The following ZER1 variants were observed in gnomAD, a reference collection of about 807,000 sequenced individuals.
ZER1 encodes the protein protein zer-1 homolog.
In ZER1, 11 loss-of-function variants were observed where a neutral mutation model predicts 78.8. The observed-to-expected ratio is 0.14, with a 90% CI of 0.09 to 0.23. The LOEUF (loss-of-function observed/expected upper bound fraction) is 0.23, where lower values mean the gene tolerates loss of function less well. Ranked by LOEUF, ZER1 falls within the 10% of genes least tolerant of loss-of-function variation. The pLI is 1.00. For missense variants in ZER1, 588 were observed against 996.9 expected (o/e 0.59, Z 5.52); for synonymous variants, 400 against 407.0 (o/e 0.98, Z 0.21).
At chr9:128,743,667 A>C (rs1863383004) in intron 8 of ZER1, among the ~76,000 whole-genome samples, 1 of 151,678 alleles carries the variant, frequency 6.6e-6, no homozygotes. Context: ...AGATCCTCCT[A>C]CCTCAGCCTC....
intron 8 of ZER1, among the ~76,000 whole-genome samples, chr9:128,747,531 T>C (rs538500985): frequency 9.2e-5 from 14 of 152,344 alleles, no homozygotes; most frequent in South Asian, 4.1e-4. Context: ...AGAGGTGAGA[T>C]TGTAAGTGGC....
At chr9:128,752,874 G>T in intron 4 of ZER1, 25 bp from the exon 5 acceptor site, 1 of 1,606,360 alleles carries the variant, frequency 6.2e-7, no homozygotes, top group Non-Finnish European at 8.5e-7. Context: ...AGGGGGTGCA[G>T]GTTAGGAGCT....
At chr9:128,765,531 T>C (rs1415822508) in intron 1 of ZER1, among the ~76,000 whole-genome samples, 1 of 152,004 alleles carries the variant, frequency 6.6e-6, no homozygotes, top group Non-Finnish European at 1.5e-5. Flanking sequence ...ATCCAAACAA[T>C]GGGAGGGAAA....
chr9:128,733,237 C>T (rs1285499853), intron 15 of ZER1, 189 bp downstream of exon 15: 1 of 520,900 alleles, frequency 1.9e-6, no homozygotes, highest in African/African-American at 1.9e-5. Flanking sequence ...CATCTAATTT[C>T]CAGCCACAAT....
chr9:128,745,317 G>C (rs1257459596), intron 8 of ZER1, among the ~76,000 whole-genome samples: 1 of 150,470 alleles, frequency 6.6e-6, no homozygotes, highest in Non-Finnish European at 1.5e-5. Flanking sequence ...CTCCTGAGTA[G>C]CTGGGACTAC....
At chr9:128,733,577 A>T (rs777152839) in intron 14 of ZER1, 49 bp from the exon 15 acceptor site, 1 of 1,550,480 alleles carries the variant, frequency 6.4e-7, no homozygotes. Flanking sequence ...TCTTCTTATC[A>T]GCCCGAGGCC....
At chr9:128,756,525 C>T (rs922469512) in intron 1 of ZER1, among the ~76,000 whole-genome samples, 1 of 152,096 alleles carries the variant, frequency 6.6e-6, no homozygotes, top group Non-Finnish European at 1.5e-5. Context: ...GTGAACGGAT[C>T]AACAAAATGT....
chr9:128,748,624 T>C (rs1863576532), intron 8 of ZER1, among the ~76,000 whole-genome samples: 1 of 151,680 alleles, frequency 6.6e-6, no homozygotes, highest in Non-Finnish European at 1.5e-5. Context: ...CAGGCTGGAG[T>C]TCGGTGGCTT....
intron 1 of ZER1, among the ~76,000 whole-genome samples, chr9:128,763,625 G>A (rs1864116881): frequency 6.6e-6 from 1 of 152,238 alleles, no homozygotes; most frequent in Admixed American, 6.5e-5. Context: ...AGGAGAAGGG[G>A]CCTGGGGCTC....
At chr9:128,750,895 T>C in intron 7 of ZER1, 106 bp from the exon 8 acceptor site, 2 of 1,512,546 alleles carry the variant, frequency 1.3e-6, no homozygotes, top group Admixed American at 3.7e-5. Context: ...CTGGTCTTGC[T>C]CTCTAAAGGC....
In ZER1 at chr9:128,753,466, G is replaced by T. The variant is rs761619684; in HGVS notation, c.444C>A (p.Asn148Lys). The T allele has an allele frequency of 3.1e-6, 5 of 1,614,152 alleles. No individual in the cohort carries two copies. The Admixed American group carries it at 8.3e-5, about 27-fold the overall frequency. ...GCTNIFYEEENPGGCEDEYLV... is the reference protein window; with the variant it reads ...GCTNIFYEEEKPGGCEDEYLV... ...GGTACTCATCTTCACAGCCCCCTGG[G>T]TTCTCCTCCTCATAGAAAATGTTTG... Residue 148 changes from asparagine (N) to lysine (K), a missense_variant, in exon 4 of 16, where the codon AAC (asparagine) becomes AAA (lysine). Asn to Lys is a moderately conservative substitution (Grantham distance 94, BLOSUM62 0). Around this residue, in one of 3 missense-constraint regions of ZER1, gnomAD observed 406 missense variants for 660.1 expected, o/e 0.62. Coordinates refer to ENST00000291900, the MANE Select transcript of ZER1 (RefSeq NM_006336.4). The surrounding 1 kb of genome is among the most constrained non-coding windows in gnomAD (Gnocchi z 7.5).
At chr9:128,769,841 C>T (rs1251406690) in intron 1 of ZER1, among the ~76,000 whole-genome samples, 2 of 152,168 alleles carry the variant, frequency 1.3e-5, no homozygotes, top group Non-Finnish European at 2.9e-5. Context: ...TGTATTTGTT[C>T]CATCAATGGT....
chr9:128,769,577 C>A (rs770759435), intron 1 of ZER1, among the ~76,000 whole-genome samples: 6 of 151,976 alleles, frequency 3.9e-5, no homozygotes, highest in Non-Finnish European at 8.8e-5. Flanking sequence ...CCACACCCGG[C>A]TAATTTTTGT....
intron 8 of ZER1, among the ~76,000 whole-genome samples, chr9:128,744,205 T>C (rs1863407506): frequency 6.6e-6 from 1 of 151,530 alleles, no homozygotes; most frequent in African/African-American, 2.4e-5. Flanking sequence ...CATTTTGTTT[T>C]GAGATGGAGT....
At chr9:128,733,326 C>A in intron 15 of ZER1, 100 bp downstream of exon 15, 1 of 976,160 alleles carries the variant, frequency 1.0e-6, no homozygotes, top group Non-Finnish European at 1.6e-6. Context: ...CTAAGCTGTC[C>A]CTGGGAATTT....
Position 128,750,688 on chromosome 9 carries a change from C to T in ZER1, c.1287G>A (p.Glu429=). The T allele has an allele frequency of 6.2e-7, 1 of 1,614,252 alleles. No homozygotes were observed. Among genetic ancestry groups the T allele is most frequent in the African/African-American group, 1.3e-5 (1 of 75,076 alleles). ...CCTGCCGGCGCAGCTTCACACTCTGCTCTGAGCGGTACTCGGAATTTGTTA... is the reference window on the plus strand; with the variant it reads ...CCTGCCGGCGCAGCTTCACACTCTGTTCTGAGCGGTACTCGGAATTTGTTA... The part of the protein sequence containing the change: ...FYLTNSEYRS[E]QSVKLRRQVI... Residue 429 remains glutamate, a synonymous_variant, in exon 8 of 16, where the codon GAG becomes GAA. Transcript: ENST00000291900.
At chr9:128,734,144 A>AAAAATATATATATATATATAT in intron 14 of ZER1, among the ~76,000 whole-genome samples, 8 of 14,430 alleles carry the variant, frequency 5.5e-4, no homozygotes, top group Admixed American at 3.0e-3. Context: ...AAAAAAAAAA[A>AAAAATATATATATATATATAT]ATATATATAT....
chr9:128,765,411 C>T (rs767155567), intron 1 of ZER1, among the ~76,000 whole-genome samples: 1 of 152,234 alleles, frequency 6.6e-6, no homozygotes, highest in Non-Finnish European at 1.5e-5. Flanking sequence ...GATACTGACG[C>T]ATACACAACT....
At position 128,733,459 on chromosome 9, in the gene ZER1, G is replaced by A. The variant is rs145832178; in HGVS notation, c.2210C>T (p.Ala737Val). The A allele has an allele frequency of 1.1e-5, 18 of 1,613,814 alleles. No individual in the cohort carries two copies. The highest frequency in any genetic ancestry group is 1.1e-4 in the East Asian group (5 of 44,866). ...TTCCTTGGTCTCCTGCCGTGCGGTC[G>A]CCATCTTAATTATGTCCCTCAGAAG... ...MPLLRDIIKM[A>V]TARQETKEMA... Residue 737 changes from alanine (A) to valine (V), a missense_variant, in exon 15 of 16, where the codon GCG becomes GTG. Transcript: ENST00000291900.
Sources: gnomAD v4.1 joint callset for allele counts (sites outside exome capture counted in the v4.1 genomes callset) on GRCh38, gnomAD v4.1.1 for gene constraint, gnomAD v4.1.1 regional missense constraint, Gnocchi (gnomAD v3.1) non-coding constraint, MANE v1.5 for transcripts, NCBI Gene and HGNC (gene_info 2026-07-23, HGNC 2026-07-21) for gene names.